Variants in MAP7 observed in about 807,000 individuals in gnomAD.
MAP7 encodes microtubule associated protein 7.
Under a neutral mutation model 94.8 loss-of-function variants are expected in MAP7, and 52 were observed. That is an observed-to-expected ratio of 0.55 (90% CI 0.44 to 0.69). The LOEUF (loss-of-function observed/expected upper bound fraction) is 0.69. MAP7 is among the 30% of genes least tolerant of loss of function. The pLI is 0.00. For missense variants in MAP7, 940 were observed against 964.6 expected (o/e 0.97, Z 0.34); for synonymous variants, 350 against 357.0 (o/e 0.98, Z 0.22).
At chr6:136,436,267 T>C (rs1174766121) in intron 1 of MAP7, among the ~76,000 whole-genome samples, 1 of 152,228 alleles carries the variant, frequency 6.6e-6, no homozygotes, top group Non-Finnish European at 1.5e-5. Context: ...CAATTTTCTC[T>C]AGGCAAGATT....
chr6:136,433,262 A>G (rs1244993321), intron 1 of MAP7, among the ~76,000 whole-genome samples: 5 of 152,178 alleles, frequency 3.3e-5, no homozygotes, highest in Non-Finnish European at 4.4e-5. Flanking sequence ...CTTTAACTGC[A>G]ACTAATTTCA....
At chr6:136,442,141 G>A (rs1798043631) in intron 1 of MAP7, among the ~76,000 whole-genome samples, 1 of 152,174 alleles carries the variant, frequency 6.6e-6, no homozygotes. Flanking sequence ...GGTGACTCAT[G>A]CCTGTAATTG....
chr6:136,361,267 G>T, intron 11 of MAP7, 88 bp from the exon 12 acceptor site: 2 of 1,371,330 alleles, frequency 1.5e-6, no homozygotes, highest in Non-Finnish European at 2.0e-6. Context: ...CTGTAGGGCG[G>T]TTCCTTTAGG....
chr6:136,490,806 A>T (rs932431852), intron 1 of MAP7, among the ~76,000 whole-genome samples: 2 of 152,102 alleles, frequency 1.3e-5, no homozygotes, highest in Non-Finnish European at 2.9e-5. Flanking sequence ...TATTCCCATC[A>T]TCACTGCTTC....
At position 136,383,688 on chromosome 6, in the gene MAP7, AG is replaced by A. The variant is rs1562336724; in HGVS notation, c.619del (p.Leu207Ter). On this transcript the variant is annotated frameshift_variant, in exon 6 of 18. Coordinates refer to ENST00000354570, the MANE Select transcript of MAP7 (RefSeq NM_003980.6). LOFTEE classifies it high-confidence loss of function. The part of the protein sequence containing the change: ...KRLSSSSATL[L>X]NSPDRARRLQ... ...GACTGTACCTCTATCTGGAGAATTT[AG>A]TAAAGTTGCAGATGAAGAGGAGAGC... is the stretch of plus-strand genomic sequence containing the variant. 2 of 1,600,804 alleles carry A rather than the reference AG, an allele frequency of 1.2e-6. No individual in the cohort carries two copies. Among genetic ancestry groups the A allele is most frequent in the African/African-American group, 2.7e-5 (2 of 74,528 alleles).
chr6:136,376,145 C>A (rs534769607), intron 7 of MAP7, among the ~76,000 whole-genome samples: 54 of 152,242 alleles, frequency 3.5e-4, no homozygotes, highest in Non-Finnish European at 6.2e-4. Context: ...ATCCCCCAGG[C>A]TGGAGTGCAG....
chr6:136,401,736 A>T (rs1784139619), intron 3 of MAP7, among the ~76,000 whole-genome samples: 1 of 152,072 alleles, frequency 6.6e-6, no homozygotes, highest in Non-Finnish European at 1.5e-5. Flanking sequence ...CATATGTAAC[A>T]AACTTGAACG....
intron 1 of MAP7, among the ~76,000 whole-genome samples, chr6:136,452,887 C>T (rs1801628502): frequency 6.6e-6 from 1 of 152,084 alleles, no homozygotes. Context: ...GTTGTTTTTT[C>T]AGACATCATG....
chr6:136,445,817 C>A (rs958672596), intron 1 of MAP7, among the ~76,000 whole-genome samples: 1 of 152,150 alleles, frequency 6.6e-6, no homozygotes, highest in Non-Finnish European at 1.5e-5. Flanking sequence ...CTAACAGCTG[C>A]GTAATGAATA....
chr6:136,480,430 C>T (rs994315703), intron 1 of MAP7, among the ~76,000 whole-genome samples: 5 of 151,858 alleles, frequency 3.3e-5, no homozygotes, highest in African/African-American at 9.7e-5. Flanking sequence ...ATCATGAGGT[C>T]AGGAGATCAA....
chr6:136,465,211 A>G (rs567870110), intron 1 of MAP7, among the ~76,000 whole-genome samples: 1 of 152,310 alleles, frequency 6.6e-6, no homozygotes, highest in South Asian at 2.1e-4. Flanking sequence ...GAAAACTAGG[A>G]CCAAAATCAA....
At chr6:136,455,943 A>G (rs1802728773) in intron 1 of MAP7, among the ~76,000 whole-genome samples, 1 of 152,224 alleles carries the variant, frequency 6.6e-6, no homozygotes, top group South Asian at 2.1e-4. Context: ...TGGAGAAGAC[A>G]TCAACTTAAA....
chr6:136,534,803 G>A lies in MAP7; in HGVS notation c.67+15539C>T, dbSNP rs182649077. Among the ~76,000 whole-genome samples the A allele has an allele frequency of 3.0e-3, 463 of 152,194 alleles. 8 individuals are homozygous for A. Among genetic ancestry groups the A allele is most frequent in the Admixed American group, 0.028 (433 of 15,288 alleles). On this transcript the variant is annotated intron_variant, in intron 1 of 17. Coordinates refer to ENST00000354570, the MANE Select transcript of MAP7 (RefSeq NM_003980.6). The stretch of plus-strand genomic sequence containing the variant: ...ATTATCAAATGAACCCTTTTAATGA[G>A]AACTAAGCAGCCTGTTCATCTGAAC...
At chr6:136,495,823 C>T (rs555957605) in intron 1 of MAP7, among the ~76,000 whole-genome samples, 43 of 152,066 alleles carry the variant, frequency 2.8e-4, no homozygotes, top group African/African-American at 3.6e-4. Flanking sequence ...GTTTATATTA[C>T]GGTTATCTTT....
intron 1 of MAP7, among the ~76,000 whole-genome samples, chr6:136,518,991 A>G (rs992753009): frequency 2.0e-5 from 3 of 152,226 alleles, no homozygotes; most frequent in Non-Finnish European, 4.4e-5. Context: ...ACCTCACTAT[A>G]CAAAAACTTT....
chr6:136,477,746 C>T (rs927616457), intron 1 of MAP7, among the ~76,000 whole-genome samples: 3 of 152,162 alleles, frequency 2.0e-5, no homozygotes, highest in South Asian at 2.1e-4. Context: ...CAGCACTGGA[C>T]AGATCATTCA....
chr6:136,439,913 A>G (rs1797359933), intron 1 of MAP7, among the ~76,000 whole-genome samples: 1 of 152,218 alleles, frequency 6.6e-6, no homozygotes, highest in African/African-American at 2.4e-5. Flanking sequence ...GGCCCACTTC[A>G]TGCCCGGTCT....
At chr6:136,523,292 G>A (rs750844099) in intron 1 of MAP7, among the ~76,000 whole-genome samples, 2 of 152,204 alleles carry the variant, frequency 1.3e-5, no homozygotes, top group Admixed American at 6.5e-5. Context: ...ACGTCAGGAA[G>A]CAGTAAGGAC....
At chr6:136,351,657 T>C (rs969088969) in intron 16 of MAP7, among the ~76,000 whole-genome samples, 1 of 152,198 alleles carries the variant, frequency 6.6e-6, no homozygotes. Context: ...TCTGAAGAAA[T>C]ATGAATAAAA....
Sources: gnomAD v4.1 joint callset for allele counts (sites outside exome capture counted in the v4.1 genomes callset) on GRCh38, gnomAD v4.1.1 for gene constraint, MANE v1.5 for transcripts, NCBI Gene and HGNC (gene_info 2026-07-23, HGNC 2026-07-21) for gene names.